LRMDA: variants seen among roughly 807,000 people sequenced by gnomAD.
The protein encoded by LRMDA is leucine rich melanocyte differentiation associated, also known as leucine-rich melanocyte differentiation-associated protein.
LRMDA carries 18 observed loss-of-function variants against 29.8 expected under a neutral mutation model. The observed-to-expected ratio is 0.60, with a 90% CI of 0.42 to 0.90. The LOEUF (loss-of-function observed/expected upper bound fraction) is 0.90, where lower values mean the gene tolerates loss of function less well. LRMDA is among the 40% of genes least tolerant of loss of function. LRMDA has a pLI of 0.00. For synonymous variants in LRMDA, 125 were observed against 109.4 expected (o/e 1.14, Z -0.89); for missense variants, 273 against 273.9 (o/e 1.00, Z 0.02).
At chr10:76,044,351 T>C (rs1848392268) in intron 3 of LRMDA, among the ~76,000 whole-genome samples, 1 of 152,058 alleles carries the variant, frequency 6.6e-6, no homozygotes, top group African/African-American at 2.4e-5. Flanking sequence ...ACTTAGGACA[T>C]TCTGAGGAAG....
chr10:76,206,819 G>A (rs1851545715), intron 5 of LRMDA, among the ~76,000 whole-genome samples: 1 of 152,172 alleles, frequency 6.6e-6, no homozygotes, highest in South Asian at 2.1e-4. Context: ...CACTGAGGTT[G>A]GTTCCCTGTG....
intron 2 of LRMDA, among the ~76,000 whole-genome samples, chr10:75,517,324 A>G (rs867721536): frequency 1.3e-5 from 2 of 152,216 alleles, no homozygotes; most frequent in African/African-American, 4.8e-5. Context: ...GATTCTTCCT[A>G]TCCTTGAGCC....
chr10:75,591,882 C>CGT (rs1237019318), intron 2 of LRMDA, among the ~76,000 whole-genome samples: 1 of 151,960 alleles, frequency 6.6e-6, no homozygotes, highest in East Asian at 1.9e-4. Context: ...GGGTGAAAAA[C>CGT]GTATCAGTCA....
chr10:76,156,942 T>A (rs1294470532), intron 5 of LRMDA, among the ~76,000 whole-genome samples: 3 of 152,244 alleles, frequency 2.0e-5, no homozygotes, highest in Admixed American at 6.5e-5. Flanking sequence ...GTAATACATT[T>A]CACTTTTAGG....
intron 2 of LRMDA, among the ~76,000 whole-genome samples, chr10:75,923,788 A>AC (rs1314516119): frequency 2.0e-5 from 3 of 151,970 alleles, no homozygotes; most frequent in Non-Finnish European, 4.4e-5. Flanking sequence ...CAGAGGAATG[A>AC]CCTTCCATTT....
At chr10:75,717,772 G>C (rs1842518958) in intron 2 of LRMDA, among the ~76,000 whole-genome samples, 1 of 152,080 alleles carries the variant, frequency 6.6e-6, no homozygotes, top group Admixed American at 6.5e-5. Flanking sequence ...ATGGAAATTG[G>C]GCCCCTGCTA....
chr10:76,357,128 T>G (rs562742029), intron 6 of LRMDA, among the ~76,000 whole-genome samples: 1 of 152,344 alleles, frequency 6.6e-6, no homozygotes, highest in Admixed American at 6.5e-5. Flanking sequence ...CTTCCAACCC[T>G]GCTCCTCTGT....
intron 6 of LRMDA, among the ~76,000 whole-genome samples, chr10:76,555,169 T>A (rs1196666700): frequency 6.6e-6 from 1 of 152,038 alleles, no homozygotes; most frequent in Non-Finnish European, 1.5e-5. Flanking sequence ...CAGAGCCTGA[T>A]CAGCCAAGCC....
At chr10:75,922,924 C>T (rs186120299) in intron 2 of LRMDA, among the ~76,000 whole-genome samples, 5 of 152,266 alleles carry the variant, frequency 3.3e-5, no homozygotes, top group Admixed American at 3.3e-4. Flanking sequence ...ATTTATCACA[C>T]TCTTACAGTG....
chr10:75,702,163 C>A (rs118115342), intron 2 of LRMDA, among the ~76,000 whole-genome samples: 1 of 152,140 alleles, frequency 6.6e-6, no homozygotes, highest in African/African-American at 2.4e-5. Flanking sequence ...GCTTTCCTTG[C>A]GATGTGCTCC....
intron 6 of LRMDA, among the ~76,000 whole-genome samples, chr10:76,390,163 T>C (rs941717186): frequency 1.3e-5 from 2 of 152,230 alleles, no homozygotes; most frequent in Non-Finnish European, 2.9e-5. Flanking sequence ...TATTTTCTGA[T>C]TTTTGCTTGT....
At chr10:75,700,408 C>T (rs1842290709) in intron 2 of LRMDA, among the ~76,000 whole-genome samples, 1 of 150,774 alleles carries the variant, frequency 6.6e-6, no homozygotes, top group Non-Finnish European at 1.5e-5. Flanking sequence ...AATATAATTG[C>T]CTATAAAATC....
At chr10:76,051,571 A>G (rs906507270) in intron 4 of LRMDA, among the ~76,000 whole-genome samples, 1 of 152,202 alleles carries the variant, frequency 6.6e-6, no homozygotes, top group African/African-American at 2.4e-5. Flanking sequence ...GTCGTCATTT[A>G]CTTGGAGGTG....
At chr10:75,480,603 A>C (rs1844844958) in intron 2 of LRMDA, among the ~76,000 whole-genome samples, 1 of 152,278 alleles carries the variant, frequency 6.6e-6, no homozygotes, top group Admixed American at 6.5e-5. Flanking sequence ...AGGCCAGATC[A>C]CAAAGGGACT....
At chr10:75,505,523 A>G (rs948277319) in intron 2 of LRMDA, among the ~76,000 whole-genome samples, 2 of 152,176 alleles carry the variant, frequency 1.3e-5, no homozygotes, top group African/African-American at 4.8e-5. Flanking sequence ...GAGCAGGAGC[A>G]AGGGTTAGAT....
intron 2 of LRMDA, among the ~76,000 whole-genome samples, chr10:75,762,606 T>C (rs1199579658): frequency 6.6e-6 from 1 of 152,238 alleles, no homozygotes; most frequent in Non-Finnish European, 1.5e-5. Flanking sequence ...CCCCACTTAA[T>C]GGCTATATAT....
chr10:76,089,195 C>T (rs147775257), intron 5 of LRMDA, among the ~76,000 whole-genome samples: 70 of 152,296 alleles, frequency 4.6e-4, no homozygotes, highest in Non-Finnish European at 8.7e-4. Context: ...GATGAAATCA[C>T]TGAGACTCTG....
At position 75,759,542 on chromosome 10, in the gene LRMDA, C is replaced by T. The variant is rs1330663842; in HGVS notation, c.132-276466C>T. 3.3e-5 allele frequency among the ~76,000 whole-genome samples: 5 copies of T among 152,138 alleles called. No homozygotes were observed. In the East Asian group the frequency reaches 9.6e-4, roughly 29 times the overall value. On this transcript the variant is annotated intron_variant, in intron 2 of 6. Transcript: ENST00000611255. ...GAGAAAAAGCAGCTCAGTATTTTGT[C>T]TTGTAAATGGCTTTCTTCTTGTAGG...
chr10:75,795,864 A>G (rs949772904), intron 2 of LRMDA, among the ~76,000 whole-genome samples: 1 of 152,312 alleles, frequency 6.6e-6, no homozygotes, highest in East Asian at 1.9e-4. Context: ...TTCAATCCAT[A>G]AATGTATTAC....
Sources: allele counts gnomAD v4.1 joint callset (sites outside exome capture counted in the v4.1 genomes callset), GRCh38; gene constraint gnomAD v4.1.1; transcripts MANE v1.5; gene names NCBI Gene and HGNC (gene_info 2026-07-23, HGNC 2026-07-21).